The following CTNND2 variants were observed in gnomAD, a reference collection of about 807,000 sequenced individuals.
CTNND2 encodes catenin delta 2, also known as catenin delta-2.
CTNND2 carries 22 observed loss-of-function variants against 144.4 expected under a neutral mutation model. The observed-to-expected ratio is 0.15, with a 90% CI of 0.11 to 0.22. CTNND2 has a LOEUF of 0.22. Ranked by LOEUF, CTNND2 falls within the 10% of genes least tolerant of loss-of-function variation. The pLI is 1.00. For synonymous variants in CTNND2, 751 were observed against 695.6 expected, an observed-to-expected ratio of 1.08 and a Z score of -1.25; for missense variants, 1,353 against 1,618.8, an observed-to-expected ratio of 0.84 and a Z score of 2.82.
intron 3 of CTNND2, among the ~76,000 whole-genome samples, chr5:11,433,005 G>T (rs1382516210): frequency 6.6e-6 from 1 of 152,212 alleles, no homozygotes; most frequent in Non-Finnish European, 1.5e-5. Flanking sequence ...AGCACTTTGG[G>T]AGGCCAAGGC....
At chr5:11,807,733 C>T (rs1223901548) in intron 1 of CTNND2, among the ~76,000 whole-genome samples, 2 of 152,144 alleles carry the variant, frequency 1.3e-5, no homozygotes, top group Non-Finnish European at 2.9e-5. Context: ...CGTACTAAGA[C>T]GCACGGACAG....
At chr5:10,974,536 G>T (rs189054398) in intron 21 of CTNND2, among the ~76,000 whole-genome samples, 1 of 152,238 alleles carries the variant, frequency 6.6e-6, no homozygotes, top group East Asian at 1.9e-4. Flanking sequence ...ATCTGTTCTA[G>T]TCCCTGGGGT....
chr5:11,437,944 G>A (rs1019904506), intron 3 of CTNND2, among the ~76,000 whole-genome samples: 9 of 152,282 alleles, frequency 5.9e-5, no homozygotes, highest in Admixed American at 1.3e-4. Context: ...GAGGTCTGGC[G>A]GAGGGGCAGT....
At chr5:11,258,138 T>C (rs1164905567) in intron 9 of CTNND2, among the ~76,000 whole-genome samples, 1 of 152,188 alleles carries the variant, frequency 6.6e-6, no homozygotes, top group African/African-American at 2.4e-5. Flanking sequence ...TACCTTAGGC[T>C]GAATGGATTT....
chr5:11,766,730 T>G (rs887908423), intron 1 of CTNND2, among the ~76,000 whole-genome samples: 1 of 152,172 alleles, frequency 6.6e-6, no homozygotes, highest in African/African-American at 2.4e-5. Flanking sequence ...ATCGAAGTCA[T>G]GGAGGGAAGG....
In CTNND2 at chr5:11,361,188, T is replaced by C. The variant is rs368096652; in HGVS notation, c.1372+3508A>G. Among the ~76,000 whole-genome samples the C allele has an allele frequency of 9.9e-4, 150 of 152,198 alleles. 3 individuals carry two copies. In the South Asian group the frequency reaches 0.031, roughly 31 times the overall value. Reference sequence around the variant, plus strand: ...GGCGCCTGCCACCATGCCCGGCTAATTTTTGTATTTTTAGTAGAGACGGGG... The same window carrying C: ...GGCGCCTGCCACCATGCCCGGCTAACTTTTGTATTTTTAGTAGAGACGGGG... On this transcript the variant is annotated intron_variant, in intron 8 of 21. Coordinates refer to ENST00000304623, the MANE Select transcript of CTNND2 (RefSeq NM_001332.4).
chr5:11,091,668 G>C (rs34480040), intron 15 of CTNND2, among the ~76,000 whole-genome samples: 20,028 of 152,158 alleles, frequency 0.13, 1,504 homozygotes, highest in African/African-American at 0.21. Flanking sequence ...GGAAAGACTA[G>C]AGCATGGTTA....
At chr5:11,118,436 G>A (rs927051036) in intron 12 of CTNND2, among the ~76,000 whole-genome samples, 2 of 152,224 alleles carry the variant, frequency 1.3e-5, no homozygotes, top group Non-Finnish European at 2.9e-5. Flanking sequence ...AGGACCTTGG[G>A]AACAGTGGTA....
At chr5:11,429,168 C>A (rs1430538907) in intron 3 of CTNND2, among the ~76,000 whole-genome samples, 1 of 152,152 alleles carries the variant, frequency 6.6e-6, no homozygotes, top group Non-Finnish European at 1.5e-5. Context: ...TGTGACAGCA[C>A]TTCAGAGTCA....
At chr5:11,378,781 ACT>A (rs1440666605) in intron 7 of CTNND2, among the ~76,000 whole-genome samples, 1 of 150,590 alleles carries the variant, frequency 6.6e-6, no homozygotes, top group Admixed American at 6.6e-5. Flanking sequence ...CTAGGACTAG[ACT>A]CTTTTTTTTT....
Position 11,354,125 on chromosome 5 carries a change from A to G in CTNND2, c.1373-7498T>C, listed in dbSNP as rs73042249. Reference sequence around the variant, plus strand: ...TCTCTAGAGAGCCAGATGAGAAGAGATGCATTATTCATGTGGTTTCACACG... The same window carrying G: ...TCTCTAGAGAGCCAGATGAGAAGAGGTGCATTATTCATGTGGTTTCACACG... On this transcript the variant is annotated intron_variant, in intron 8 of 21. Transcript: ENST00000304623. Among the ~76,000 whole-genome samples, 912 of 152,242 alleles carry G rather than the reference A, an allele frequency of 6.0e-3. 10 individuals are homozygous for G. The highest frequency in any genetic ancestry group is 0.021 in the African/African-American group (884 of 41,552).
At position 10,982,925 on chromosome 5, in the gene CTNND2, G is replaced by A. The variant is rs188248110; in HGVS notation, c.3344-1079C>T. Reference sequence around the variant, plus strand: ...AAAGACAAATATGGTATGTTCTCACGCACATGTGGAATATGCGGAAGCTAA... The same window carrying A: ...AAAGACAAATATGGTATGTTCTCACACACATGTGGAATATGCGGAAGCTAA... On this transcript the variant is annotated intron_variant, in intron 20 of 21. Coordinates refer to ENST00000304623, the MANE Select transcript of CTNND2 (RefSeq NM_001332.4). 4.3e-4 allele frequency among the ~76,000 whole-genome samples: 66 copies of A among 152,288 alleles called. 1 individual carries two copies. The highest frequency in any genetic ancestry group is 1.5e-3 in the East Asian group (8 of 5,176).
At chr5:11,458,936 CTT>C (rs111810611) in intron 3 of CTNND2, among the ~76,000 whole-genome samples, 13 of 141,820 alleles carry the variant, frequency 9.2e-5, no homozygotes, top group Admixed American at 7.1e-5. Flanking sequence ...TGTTTCTTTT[CTT>C]TTTTTTTTTT....
At chr5:11,334,869 GA>G (rs1239743700) in intron 9 of CTNND2, among the ~76,000 whole-genome samples, 2 of 152,274 alleles carry the variant, frequency 1.3e-5, no homozygotes, top group African/African-American at 2.4e-5. Context: ...CACATTCAAA[GA>G]ACAAAGCATA....
chr5:11,692,847 C>A (rs191017041), intron 2 of CTNND2, among the ~76,000 whole-genome samples: 94 of 152,306 alleles, frequency 6.2e-4, no homozygotes, highest in African/African-American at 2.2e-3. Flanking sequence ...AGTGATCTGC[C>A]GGCCTCGGCC....
intron 2 of CTNND2, among the ~76,000 whole-genome samples, chr5:11,593,294 A>G (rs762851056): frequency 2.6e-5 from 4 of 152,202 alleles, no homozygotes; most frequent in Non-Finnish European, 5.9e-5. Context: ...ATGGGAGAAG[A>G]TATTTTCATT....
At chr5:11,559,478 T>A (rs1581496570) in intron 3 of CTNND2, among the ~76,000 whole-genome samples, 1 of 152,216 alleles carries the variant, frequency 6.6e-6, no homozygotes, top group East Asian at 1.9e-4. Context: ...TAAACTGTGA[T>A]CCCTTCAATA....
At chr5:10,978,209 A>G (rs1736750245) in intron 21 of CTNND2, among the ~76,000 whole-genome samples, 1 of 152,202 alleles carries the variant, frequency 6.6e-6, no homozygotes, top group Non-Finnish European at 1.5e-5. Flanking sequence ...GGAAGCTCCC[A>G]ACATGAAAGC....
chr5:11,659,052 G>C (rs1783053130), intron 2 of CTNND2, among the ~76,000 whole-genome samples: 1 of 152,036 alleles, frequency 6.6e-6, no homozygotes, highest in South Asian at 2.1e-4. Flanking sequence ...TTATTTACTT[G>C]CAAATGTGGT....
Sources: allele counts gnomAD v4.1 joint callset (sites outside exome capture counted in the v4.1 genomes callset), GRCh38; gene constraint gnomAD v4.1.1; transcripts MANE v1.5; gene names NCBI Gene and HGNC (gene_info 2026-07-23, HGNC 2026-07-21).